EVL: variants seen among roughly 807,000 people sequenced by gnomAD.
EVL encodes Enah/Vasp-like.
A neutral mutation model predicts 59.6 loss-of-function variants in EVL; 21 were observed. The observed-to-expected ratio is 0.35, with a 90% CI of 0.25 to 0.51. EVL has a LOEUF of 0.51. Among genes scored for constraint, EVL ranks in the 20% least tolerant of loss-of-function variants. EVL has a pLI of 0.97. For missense variants in EVL, 462 were observed against 546.6 expected, an observed-to-expected ratio of 0.85 and a Z score of 1.54; for synonymous variants, 198 against 203.5, an observed-to-expected ratio of 0.97 and a Z score of 0.23.
At chr14:100,026,163 A>G (rs1462997157) in intron 1 of EVL, among the ~76,000 whole-genome samples, 1 of 151,604 alleles carries the variant, frequency 6.6e-6, no homozygotes, top group Admixed American at 6.6e-5. Context: ...AGGTGAGAGG[A>G]TCATCTGAGC....
Position 100,142,552 on chromosome 14 carries a change from C to A in EVL, c.1219+759C>A, listed in dbSNP as rs553833985. Among the ~76,000 whole-genome samples, 43 of 152,340 alleles carry A rather than the reference C, an allele frequency of 2.8e-4. 1 individual carries two copies. Among genetic ancestry groups the A allele is most frequent in the African/African-American group, 1.0e-3 (43 of 41,570 alleles). On this transcript the variant is annotated intron_variant, in intron 13 of 13. Coordinates refer to ENST00000392920, the MANE Select transcript of EVL (RefSeq NM_016337.3). ...CACCTGGGTGTGTAGCTGGGTCTGG[C>A]CCCCAGGGCATCACAGTGACCGGGG...
intron 3 of EVL, 91 bp downstream of exon 3, chr14:100,097,749 A>G: frequency 2.4e-6 from 3 of 1,241,364 alleles, no homozygotes; most frequent in South Asian, 3.0e-5. Context: ...GTATCCTAGC[A>G]CTGTCACTGC....
chr14:100,008,648 G>A (rs925216363), intron 1 of EVL, among the ~76,000 whole-genome samples: 16 of 152,074 alleles, frequency 1.1e-4, no homozygotes, highest in African/African-American at 3.9e-4. Flanking sequence ...ATAATCAAAT[G>A]CCCATTTTTT....
intron 1 of EVL, among the ~76,000 whole-genome samples, chr14:100,022,182 A>C (rs1481916948): frequency 6.6e-6 from 1 of 151,958 alleles, no homozygotes; most frequent in Non-Finnish European, 1.5e-5. Flanking sequence ...CGGCTCCATC[A>C]GGTTATCCAC....
At chr14:100,090,871 G>A (rs1028928468) in intron 2 of EVL, among the ~76,000 whole-genome samples, 3 of 152,136 alleles carry the variant, frequency 2.0e-5, no homozygotes, top group African/African-American at 7.2e-5. Flanking sequence ...AGACAAGAAT[G>A]TTCACTCTCA....
chr14:99,987,905 ATTTTTTT>A (rs774580760), intron 1 of EVL, among the ~76,000 whole-genome samples: 39 of 103,820 alleles, frequency 3.8e-4, no homozygotes, highest in African/African-American at 1.5e-3. Context: ...AGACAACCCA[ATTTTTTT>A]TTTTTTTTTT....
intron 4 of EVL, among the ~76,000 whole-genome samples, chr14:100,124,957 TACGG>T (rs1449714023): frequency 2.0e-5 from 3 of 151,184 alleles, no homozygotes; most frequent in Non-Finnish European, 2.9e-5. Flanking sequence ...CGAGACCACG[TACGG>T]ACGGACACAC....
At chr14:100,030,236 C>T (rs1366145918) in intron 1 of EVL, among the ~76,000 whole-genome samples, 1 of 151,852 alleles carries the variant, frequency 6.6e-6, no homozygotes, top group African/African-American at 2.4e-5. Context: ...GGATTACAGA[C>T]ATGTGCCACC....
chr14:100,103,126 T>A (rs1595181842), intron 3 of EVL, among the ~76,000 whole-genome samples: 1 of 142,832 alleles, frequency 7.0e-6, no homozygotes, highest in Non-Finnish European at 1.5e-5. Context: ...AAGACACAAA[T>A]CAGAGGCAAG....
chr14:99,983,550 T>G (rs2060821730), intron 1 of EVL, among the ~76,000 whole-genome samples: 1 of 152,230 alleles, frequency 6.6e-6, no homozygotes, highest in African/African-American at 2.4e-5. Flanking sequence ...CCTTTTCCCA[T>G]GTATTTGTCC....
chr14:100,003,486 G>A (rs751767416), intron 1 of EVL, among the ~76,000 whole-genome samples: 2 of 151,772 alleles, frequency 1.3e-5, no homozygotes, highest in African/African-American at 2.4e-5. Context: ...ATGTCATCTC[G>A]GCTCACTGCA....
chr14:100,092,308 G>A (rs1374471905), intron 2 of EVL, among the ~76,000 whole-genome samples: 2 of 152,134 alleles, frequency 1.3e-5, no homozygotes, highest in South Asian at 2.1e-4. Flanking sequence ...AAGTACATAT[G>A]TCCACTAAAA....
chr14:100,067,637 A>G lies in EVL; in HGVS notation c.11+2126A>G, dbSNP rs367737442. On this transcript the variant is annotated intron_variant, in intron 1 of 13. Transcript: ENST00000392920. ...ATTGTTTTTATTGTTTCTGTTTCACAGGAGAGAGTAACTTGACAAGAGACA... is the reference window on the plus strand; with the variant it reads ...ATTGTTTTTATTGTTTCTGTTTCACGGGAGAGAGTAACTTGACAAGAGACA... Among the ~76,000 whole-genome samples, 64 of 152,312 alleles carry G rather than the reference A, an allele frequency of 4.2e-4. 1 individual carries two copies. The East Asian group carries it at 9.5e-3, about 23-fold the overall frequency.
intron 1 of EVL, among the ~76,000 whole-genome samples, chr14:100,047,262 A>C (rs1400321855): frequency 6.6e-6 from 1 of 151,746 alleles, no homozygotes; most frequent in Admixed American, 6.6e-5. Context: ...TACCTAAAGT[A>C]GACGGGCGCT....
chr14:99,973,786 A>G (rs1010189249), intron 1 of EVL, among the ~76,000 whole-genome samples: 1 of 152,224 alleles, frequency 6.6e-6, no homozygotes, highest in Non-Finnish European at 1.5e-5. Context: ...TAGAAAGCTT[A>G]CATGTGTTTT....
chr14:100,020,573 G>T (rs1237703307), intron 1 of EVL, among the ~76,000 whole-genome samples: 1 of 152,086 alleles, frequency 6.6e-6, no homozygotes. Flanking sequence ...CCATATTGAT[G>T]GGCAAAGAGT....
chr14:100,048,624 C>T (rs188049510), intron 1 of EVL, among the ~76,000 whole-genome samples: 1 of 152,268 alleles, frequency 6.6e-6, no homozygotes, highest in African/African-American at 2.4e-5. Context: ...ACATAGTCAG[C>T]CTATGGAAAT....
intron 1 of EVL, among the ~76,000 whole-genome samples, chr14:100,060,201 C>A (rs1327252134): frequency 6.6e-6 from 1 of 151,528 alleles, no homozygotes; most frequent in African/African-American, 2.4e-5. Flanking sequence ...GAGGCCGAGG[C>A]GGGCGGATCA....
intron 1 of EVL, among the ~76,000 whole-genome samples, chr14:100,027,358 A>G (rs1566974102): frequency 6.6e-6 from 1 of 152,110 alleles, no homozygotes; most frequent in Non-Finnish European, 1.5e-5. Context: ...CCTTCTATCA[A>G]ACTGTATTTC....
Sources: allele counts gnomAD v4.1 joint callset (sites outside exome capture counted in the v4.1 genomes callset), GRCh38; gene constraint gnomAD v4.1.1; transcripts MANE v1.5; gene names NCBI Gene and HGNC (gene_info 2026-07-23, HGNC 2026-07-21).